FAM107B: variants seen among roughly 807,000 people sequenced by gnomAD.
The protein encoded by FAM107B is family with sequence similarity 107 member B.
In FAM107B, 21 loss-of-function variants were observed where a neutral mutation model predicts 31.5. That is an observed-to-expected ratio of 0.67 (90% CI 0.47 to 0.96). The LOEUF is 0.96. Among genes scored for constraint, FAM107B ranks in the 40% least tolerant of loss-of-function variants. The pLI is 0.00. For missense variants in FAM107B, 452 were observed against 377.1 expected (o/e 1.20, Z -1.64); for synonymous variants, 157 against 141.5 (o/e 1.11, Z -0.78).
intron 2 of FAM107B, among the ~76,000 whole-genome samples, chr10:14,644,727 T>C (rs1191822430): frequency 6.6e-6 from 1 of 152,224 alleles, no homozygotes; most frequent in Non-Finnish European, 1.5e-5. Flanking sequence ...GCAAAAGCAT[T>C]ATGAAGAATG....
intron 1 of FAM107B, among the ~76,000 whole-genome samples, chr10:14,696,058 T>C (rs1855258223): frequency 6.6e-6 from 1 of 152,242 alleles, no homozygotes; most frequent in African/African-American, 2.4e-5. Flanking sequence ...ACTTGTACCA[T>C]ATCTTAGTGA....
At chr10:14,757,541 C>T (rs1029604856) in intron 1 of FAM107B, among the ~76,000 whole-genome samples, 2 of 152,100 alleles carry the variant, frequency 1.3e-5, no homozygotes, top group South Asian at 2.1e-4. Context: ...CCAGACGGAG[C>T]GAATCCAAAA....
rs1161777817 is a variant in FAM107B, at chr10:14,521,028, C to T, written c.*162G>A. ...GAATAGGAACTGCAACTGTCACAGG[C>T]AAGGCATCCACCCAGATCGTAGGAA... On this transcript the variant is annotated 3_prime_UTR_variant, in exon 5 of 5. Coordinates refer to ENST00000181796, the MANE Select transcript of FAM107B (RefSeq NM_031453.4). 5 of 612,838 alleles carry T rather than the reference C, an allele frequency of 8.2e-6. No homozygotes were observed. Among genetic ancestry groups the T allele is most frequent in the African/African-American group, 5.6e-5 (3 of 53,374 alleles). The allele number at this position is 612,838 out of a possible 1,614,324, so 38.0% of individuals were successfully genotyped here. A position where few individuals can be genotyped will look rare whatever the true frequency, so the allele number is the denominator to read the frequency against.
At chr10:14,672,630 A>G (rs544574750) in intron 1 of FAM107B, among the ~76,000 whole-genome samples, 6 of 152,284 alleles carry the variant, frequency 3.9e-5, no homozygotes, top group African/African-American at 1.4e-4. Flanking sequence ...ACATTATTAT[A>G]TGGCTCATGA....
intron 2 of FAM107B, among the ~76,000 whole-genome samples, chr10:14,559,153 G>A (rs1168990095): frequency 6.6e-6 from 1 of 151,114 alleles, no homozygotes; most frequent in Non-Finnish European, 1.5e-5. Context: ...CTCCAGCACA[G>A]GGAGCAGAGA....
At chr10:14,586,717 AC>A (rs926066517) in intron 2 of FAM107B, among the ~76,000 whole-genome samples, 2 of 152,060 alleles carry the variant, frequency 1.3e-5, no homozygotes, top group African/African-American at 4.8e-5. Context: ...TGTTTAAGCC[AC>A]CCCGTCTGTG....
At chr10:14,771,623 A>C (rs948221866) in intron 1 of FAM107B, among the ~76,000 whole-genome samples, 2 of 150,876 alleles carry the variant, frequency 1.3e-5, no homozygotes, top group African/African-American at 5.0e-5. Context: ...ACAACAAATA[A>C]AAATAAATTA....
At chr10:14,587,204 C>CTTT (rs1420465271) in intron 2 of FAM107B, among the ~76,000 whole-genome samples, 9 of 152,126 alleles carry the variant, frequency 5.9e-5, no homozygotes, top group African/African-American at 1.9e-4. Flanking sequence ...GTCTATCTAG[C>CTTT]AAAAAGTTCA....
At chr10:14,715,441 T>G (rs1379869193) in intron 1 of FAM107B, among the ~76,000 whole-genome samples, 1 of 152,230 alleles carries the variant, frequency 6.6e-6, no homozygotes, top group Non-Finnish European at 1.5e-5. Context: ...GTATTAGTTA[T>G]CTATCATTAT....
intron 1 of FAM107B, among the ~76,000 whole-genome samples, chr10:14,715,472 G>A (rs899565336): frequency 7.2e-5 from 11 of 152,098 alleles, no homozygotes; most frequent in African/African-American, 2.2e-4. Context: ...ACCCCAAAAC[G>A]CAGTGGCTGT....
chr10:14,562,703 G>A (rs556166331), intron 2 of FAM107B, among the ~76,000 whole-genome samples: 194 of 152,278 alleles, frequency 1.3e-3, no homozygotes, highest in African/African-American at 4.2e-3. Flanking sequence ...GGTAAGCAGG[G>A]AACTAATCCC....
intron 1 of FAM107B, among the ~76,000 whole-genome samples, chr10:14,668,025 C>CG (rs1854450640): frequency 6.6e-6 from 1 of 151,428 alleles, no homozygotes; most frequent in African/African-American, 2.4e-5. Flanking sequence ...ATGATGGTGA[C>CG]GGGGTTTTTT....
chr10:14,612,391 G>C (rs1014006355), intron 2 of FAM107B: 3 of 152,248 alleles, frequency 2.0e-5, no homozygotes, highest in Non-Finnish European at 4.4e-5. Flanking sequence ...TCCTTGGGCA[G>C]CTGAGGGCAG....
chr10:14,734,114 T>C (rs1856237742), intron 1 of FAM107B, among the ~76,000 whole-genome samples: 1 of 152,218 alleles, frequency 6.6e-6, no homozygotes, highest in African/African-American at 2.4e-5. Context: ...ATACAACTTC[T>C]TGTTCTGAAA....
chr10:14,744,361 CT>C (rs1354999294), intron 1 of FAM107B, among the ~76,000 whole-genome samples: 3 of 152,134 alleles, frequency 2.0e-5, no homozygotes, highest in Non-Finnish European at 1.5e-5. Flanking sequence ...CCTGATTGCC[CT>C]GACCAGAACT....
At chr10:14,753,820 T>C (rs1167733728) in intron 1 of FAM107B, among the ~76,000 whole-genome samples, 5 of 152,272 alleles carry the variant, frequency 3.3e-5, no homozygotes, top group Admixed American at 3.3e-4. Context: ...TTATGATTTG[T>C]TTCCCCAAAT....
At chr10:14,692,789 T>C (rs1223098424) in intron 1 of FAM107B, among the ~76,000 whole-genome samples, 1 of 152,208 alleles carries the variant, frequency 6.6e-6, no homozygotes, top group Non-Finnish European at 1.5e-5. Flanking sequence ...AGAATGAACG[T>C]TGTCTTGCTG....
rs1300684241 is a variant in FAM107B at position 14,751,137 on chromosome 10, C to T, written c.411+23116G>A. Among the ~76,000 whole-genome samples the T allele has an allele frequency of 2.6e-5, 4 of 152,332 alleles. No individual in the cohort carries two copies. In the East Asian group the frequency reaches 5.8e-4, roughly 22 times the overall value. On this transcript the variant is annotated intron_variant, in intron 1 of 4. Transcript: ENST00000181796. ...CCCAGCTGGGCAGATGGGCTCTGCACATCTGCTGCCTCCCTTCCTCATTAG... is the reference window on the plus strand; with the variant it reads ...CCCAGCTGGGCAGATGGGCTCTGCATATCTGCTGCCTCCCTTCCTCATTAG...
At chr10:14,738,947 A>C (rs1044292891) in intron 1 of FAM107B, among the ~76,000 whole-genome samples, 6 of 151,852 alleles carry the variant, frequency 4.0e-5, no homozygotes, top group Admixed American at 3.3e-4. Context: ...GGGCTGTCTG[A>C]CTCTCATGCA....
Sources: allele counts gnomAD v4.1 joint callset (sites outside exome capture counted in the v4.1 genomes callset), GRCh38; gene constraint gnomAD v4.1.1; transcripts MANE v1.5; gene names NCBI Gene and HGNC (gene_info 2026-07-23, HGNC 2026-07-21).